GOT2: variants seen among roughly 807,000 people sequenced by gnomAD.
GOT2 encodes the protein aspartate aminotransferase, mitochondrial.
In GOT2, 17 loss-of-function variants were observed where a neutral mutation model predicts 50.0. The observed-to-expected ratio is 0.34, with a 90% CI of 0.23 to 0.51. GOT2 has a LOEUF of 0.51. GOT2 is among the 20% of genes least tolerant of loss of function. The probability of loss-of-function intolerance (pLI) is 0.97; values close to 1 mark genes in which losing one functional copy is unlikely to be tolerated. For synonymous variants in GOT2, 172 were observed against 204.9 expected, an observed-to-expected ratio of 0.84 and a Z score of 1.37; for missense variants, 430 against 559.6, an observed-to-expected ratio of 0.77 and a Z score of 2.34.
intron 9 of GOT2, among the ~76,000 whole-genome samples, chr16:58,708,562 T>C (rs548777628): frequency 2.6e-5 from 4 of 151,210 alleles, no homozygotes; most frequent in Non-Finnish European, 4.4e-5. Flanking sequence ...GAGGCTGCAG[T>C]GAGCCGAGAT....
intron 1 of GOT2, among the ~76,000 whole-genome samples, chr16:58,727,169 A>G (rs1274350397): frequency 6.6e-6 from 1 of 152,064 alleles, no homozygotes; most frequent in African/African-American, 2.4e-5. Context: ...ACAAACAAAC[A>G]AAGAGATGGG....
chr16:58,722,118 C>T (rs1228995772), intron 3 of GOT2, 32 bp downstream of exon 3: 2 of 1,609,032 alleles, frequency 1.2e-6, no homozygotes, highest in Admixed American at 3.3e-5. Context: ...TTAAAACAGA[C>T]CTGGGATGAT....
chr16:58,727,506 T>C (rs2044797152), intron 1 of GOT2, among the ~76,000 whole-genome samples: 1 of 152,056 alleles, frequency 6.6e-6, no homozygotes, highest in African/African-American at 2.4e-5. Flanking sequence ...GCTGGGAATG[T>C]AAAGAAGAGT....
chr16:58,707,787 C>T lies in GOT2; in HGVS notation c.*384G>A, dbSNP rs2044615725. The T allele has an allele frequency of 6.4e-6, 1 of 156,782 alleles. No homozygotes were observed. Among genetic ancestry groups the T allele is most frequent in the Non-Finnish European group, 1.4e-5 (1 of 70,902 alleles). 9.7% of individuals were successfully genotyped at this position (156,782 alleles called of 1,614,324 possible). A position where few individuals can be genotyped will look rare whatever the true frequency, so the allele number is the denominator to read the frequency against. ...GCCGACTACTCATGACAGAACTAGG[C>T]CTTCTCTCAAAGCCTCTAACGTGTG... is the stretch of plus-strand genomic sequence containing the variant. On this transcript the variant is annotated 3_prime_UTR_variant, in exon 10 of 10. Transcript: ENST00000245206.
intron 1 of GOT2, among the ~76,000 whole-genome samples, chr16:58,730,080 CAGAG>C (rs965008741): frequency 6.6e-5 from 10 of 152,176 alleles, no homozygotes; most frequent in African/African-American, 2.4e-4. Context: ...TATTCTTAGC[CAGAG>C]AGAGAGGAAG....
rs770035439 is a variant in GOT2 at position 58,709,533 on chromosome 16, T to C, written c.1054A>G (p.Ile352Val). 1 of 1,612,672 alleles carries C rather than the reference T, an allele frequency of 6.2e-7. No homozygotes were observed. Among genetic ancestry groups the C allele is most frequent in the Non-Finnish European group, 8.5e-7 (1 of 1,178,738 alleles). ...GAGACCAGTTGAGTCCGCATGCCAA[T>C]GATGCGGTCAGCCATGACTTTCACT... is the stretch of plus-strand genomic sequence containing the variant. ...QEVKVMADRI[I>V]GMRTQLVSNL... Residue 352 changes from isoleucine (I) to valine (V), a missense_variant, in exon 9 of 10, where the codon ATT (isoleucine) becomes GTT (valine). Physicochemically the swap from Ile to Val is conservative, Grantham distance 29. Coordinates refer to ENST00000245206, the MANE Select transcript of GOT2 (RefSeq NM_002080.4).
At position 58,718,719 on chromosome 16, in the gene GOT2, A is replaced by G; in HGVS notation, c.436-31T>C. The G allele has an allele frequency of 2.6e-6, 4 of 1,528,914 alleles. No homozygotes were observed. In the South Asian group the frequency reaches 5.0e-5, roughly 19 times the overall value. The allele number at this position is 1,528,914 out of a possible 1,614,324, so 94.7% of individuals were successfully genotyped here. ...AGATGGGACGAAAGGAAACAGAAAA[A>G]TGAACAAAGGAGAGGCAAAAAAATG... On this transcript the variant is annotated intron_variant, in intron 4 of 9. Transcript: ENST00000245206.
At chr16:58,721,503 C>T (rs2044739757) in intron 3 of GOT2, 1 of 152,116 alleles carries the variant, frequency 6.6e-6, no homozygotes, top group African/African-American at 2.4e-5. Flanking sequence ...GGGCTAACTG[C>T]AGGCTTAAAA....
At chr16:58,713,675 G>T (rs2044667768) in intron 8 of GOT2, among the ~76,000 whole-genome samples, 1 of 152,196 alleles carries the variant, frequency 6.6e-6, no homozygotes, top group African/African-American at 2.4e-5. Flanking sequence ...GCTGCTCAGA[G>T]ATGTGACCTC....
intron 3 of GOT2, 90 bp downstream of exon 3, chr16:58,722,060 G>C: frequency 7.0e-7 from 1 of 1,431,356 alleles, no homozygotes; most frequent in Non-Finnish European, 9.7e-7. Context: ...GATTACAGGC[G>C]TGAGCCATCG....
chr16:58,709,681 G>C (rs1481098795), intron 8 of GOT2, 114 bp from the exon 9 acceptor site: 9 of 756,508 alleles, frequency 1.2e-5, no homozygotes, highest in Admixed American at 9.6e-5. Flanking sequence ...CAATTCTCAG[G>C]TCACGAATGA....
intron 4 of GOT2, 65 bp from the exon 5 acceptor site, chr16:58,718,753 T>C: frequency 7.5e-7 from 1 of 1,328,642 alleles, no homozygotes; most frequent in Non-Finnish European, 1.0e-6. Flanking sequence ...TGTTGATGTG[T>C]TTTATTGAGA....
rs1211465545 is a variant in GOT2, at chr16:58,734,281, G to C, written c.-53C>G. 1.0e-6 allele frequency: 1 copy of C among 986,018 alleles called. No individual in the cohort carries two copies. The highest frequency in any genetic ancestry group is 3.9e-5 in the Admixed American group (1 of 25,506). 61.1% of individuals were successfully genotyped at this position (986,018 alleles called of 1,614,324 possible). ...CCGCAGGACGGAGCAGAGGGCGAGCGGACACACACACAGGGAACCGGCTCC... is the reference window on the plus strand; with the variant it reads ...CCGCAGGACGGAGCAGAGGGCGAGCCGACACACACACAGGGAACCGGCTCC... On this transcript the variant is annotated 5_prime_UTR_variant, in exon 1 of 10. Coordinates refer to ENST00000245206, the MANE Select transcript of GOT2 (RefSeq NM_002080.4).
intron 2 of GOT2, 135 bp from the exon 3 acceptor site, chr16:58,722,413 C>T: frequency 1.3e-6 from 1 of 780,348 alleles, no homozygotes; most frequent in Non-Finnish European, 2.0e-6. Context: ...CTCTGTCACC[C>T]AGGCTGGAGT....
chr16:58,718,768 AT>A, intron 4 of GOT2, 80 bp from the exon 5 acceptor site: 2 of 1,194,666 alleles, frequency 1.7e-6, no homozygotes, highest in Non-Finnish European at 2.3e-6. Context: ...TTGAGAGAAC[AT>A]TTTTCTCTGC....
rs563594200 is a variant in GOT2, at chr16:58,711,316, G to A, written c.1020-1749C>T. On this transcript the variant is annotated intron_variant, in intron 8 of 9. Coordinates refer to ENST00000245206, the MANE Select transcript of GOT2 (RefSeq NM_002080.4). ...AGTAAATTCTGTCTGAGGGACTGGA[G>A]AAGGTAGTCCTCTGACTGTGCACGG... Among the ~76,000 whole-genome samples the A allele has an allele frequency of 1.3e-4, 20 of 152,302 alleles. No individual in the cohort carries two copies. The South Asian group carries it at 3.1e-3, about 24-fold the overall frequency.
In GOT2 at chr16:58,719,268, TACCC is replaced by T; in HGVS notation, c.376-17_376-14del. Reference sequence around the variant, plus strand: ...GCACAGTGACAAACTGAAGGAGAGATACCCACGGTCAGTGATGTGCAACACTCTC... The same window carrying T: ...GCACAGTGACAAACTGAAGGAGAGATACGGTCAGTGATGTGCAACACTCTC... On this transcript the variant is annotated splice_polypyrimidine_tract_variant and intron_variant, in intron 3 of 9. Transcript: ENST00000245206. 1 of 1,606,322 alleles carries T rather than the reference TACCC, an allele frequency of 6.2e-7. No individual in the cohort carries two copies. Among genetic ancestry groups the T allele is most frequent in the African/African-American group, 1.3e-5 (1 of 74,870 alleles).
intron 1 of GOT2, among the ~76,000 whole-genome samples, chr16:58,731,192 G>A (rs752841815): frequency 2.2e-4 from 33 of 151,992 alleles, no homozygotes; most frequent in Non-Finnish European, 4.4e-4. Context: ...GGAGTGCAGC[G>A]GCGTGATCAG....
At chr16:58,729,138 G>C (rs2044811687) in intron 1 of GOT2, among the ~76,000 whole-genome samples, 1 of 151,592 alleles carries the variant, frequency 6.6e-6, no homozygotes, top group African/African-American at 2.4e-5. Flanking sequence ...TTGCTTGGCT[G>C]TTCCTAGTAC....
Sources: allele counts gnomAD v4.1 joint callset (sites outside exome capture counted in the v4.1 genomes callset), GRCh38; gene constraint gnomAD v4.1.1; transcripts MANE v1.5; gene names NCBI Gene and HGNC (gene_info 2026-07-23, HGNC 2026-07-21).